TENM2: variants seen among roughly 807,000 people sequenced by gnomAD.
The protein encoded by TENM2 is teneurin transmembrane protein 2, also known as teneurin-2.
Under a neutral mutation model 245.2 loss-of-function variants are expected in TENM2, and 52 were observed. The observed-to-expected ratio is 0.21, with a 90% CI of 0.17 to 0.27. TENM2 has a LOEUF of 0.27. Among genes scored for constraint, TENM2 ranks in the 10% least tolerant of loss-of-function variants. The pLI is 1.00. For synonymous variants in TENM2, 1,363 were observed against 1,438.9 expected, an observed-to-expected ratio of 0.95 and a Z score of 1.19; for missense variants, 3,046 against 3,666.8, an observed-to-expected ratio of 0.83 and a Z score of 4.37.
intron 3 of TENM2, among the ~76,000 whole-genome samples, chr5:167,899,025 A>G (rs1394037441): frequency 2.0e-5 from 3 of 152,150 alleles, no homozygotes; most frequent in Non-Finnish European, 2.9e-5. Flanking sequence ...ATGGAAGGGA[A>G]GAGAAGATAG....
chr5:167,929,131 AAAGAAAGAAGGG>A (rs1778082573), intron 3 of TENM2, among the ~76,000 whole-genome samples: 1 of 136,606 alleles, frequency 7.3e-6, no homozygotes, highest in African/African-American at 2.7e-5. Context: ...GAAAGAAAGA[AAAGAAAGAAGGG>A]AGGGAGGGAG....
the TENM2 span, among the ~76,000 whole-genome samples, chr5:167,081,154 C>T: frequency 6.6e-6 from 1 of 151,510 alleles, no homozygotes; most frequent in East Asian, 2.0e-4. Flanking sequence ...GAAGATGGTG[C>T]TATTTATATC....
At chr5:168,199,520 C>T (rs932381215) in intron 16 of TENM2, among the ~76,000 whole-genome samples, 3 of 152,202 alleles carry the variant, frequency 2.0e-5, no homozygotes, top group East Asian at 1.9e-4. Flanking sequence ...GTTGTAGGTT[C>T]GTATAATTAC....
At chr5:168,103,869 G>A (rs1794022905) in intron 9 of TENM2, among the ~76,000 whole-genome samples, 1 of 152,152 alleles carries the variant, frequency 6.6e-6, no homozygotes, top group South Asian at 2.1e-4. Flanking sequence ...TTGGCAGGGA[G>A]TAACCCTGAG....
At chr5:167,108,193 T>C in the TENM2 span, among the ~76,000 whole-genome samples, 1 of 151,004 alleles carries the variant, frequency 6.6e-6, no homozygotes, top group Non-Finnish European at 1.5e-5. Context: ...TGGTGCAATC[T>C]CGACTCACTG....
At chr5:167,136,987 T>G in the TENM2 span, among the ~76,000 whole-genome samples, 1 of 152,240 alleles carries the variant, frequency 6.6e-6, no homozygotes, top group Non-Finnish European at 1.5e-5. Context: ...AAGAACAAGG[T>G]GCTGGCAGAT....
At position 168,179,635 on chromosome 5, in the gene TENM2, C is replaced by A. The variant is rs115351074; in HGVS notation, c.2570-10702C>A. ...CCTGTGTGTTGGACACTCAGCATAA[C>A]AGTCACACAACCTTACATGGCAGCT... On this transcript the variant is annotated intron_variant, in intron 13 of 28. Transcript: ENST00000518659. Among the ~76,000 whole-genome samples, 1,222 of 152,296 alleles carry A rather than the reference C, an allele frequency of 8.0e-3. 20 individuals are homozygous for A. Among genetic ancestry groups the A allele is most frequent in the African/African-American group, 0.028 (1,167 of 41,556 alleles).
chr5:167,293,075 G>A (rs1484795658), intron 1 of TENM2, among the ~76,000 whole-genome samples: 2 of 152,214 alleles, frequency 1.3e-5, no homozygotes, highest in Non-Finnish European at 2.9e-5. Context: ...TTCAGCTTGT[G>A]GAGAGAGGAA....
chr5:167,229,048 G>A, the TENM2 span, among the ~76,000 whole-genome samples: 3 of 152,264 alleles, frequency 2.0e-5, no homozygotes, highest in African/African-American at 4.8e-5. Context: ...CCCGCCACCC[G>A]AAGATGTATC....
intron 2 of TENM2, among the ~76,000 whole-genome samples, chr5:167,829,342 T>A (rs1426326713): frequency 1.3e-5 from 2 of 152,204 alleles, no homozygotes; most frequent in Non-Finnish European, 2.9e-5. Flanking sequence ...GTCTGGCTAC[T>A]AAAACCCCTA....
the TENM2 span, among the ~76,000 whole-genome samples, chr5:167,039,926 G>A: frequency 1.3e-5 from 2 of 152,090 alleles, no homozygotes; most frequent in African/African-American, 4.8e-5. Flanking sequence ...TTGAAGACAT[G>A]GCTGCATTGT....
At chr5:167,199,018 T>A in the TENM2 span, among the ~76,000 whole-genome samples, 1 of 148,250 alleles carries the variant, frequency 6.7e-6, no homozygotes, top group Non-Finnish European at 1.5e-5. Flanking sequence ...AATAAAAAGA[T>A]GTATGGTAAA....
In TENM2 at chr5:168,244,135, CCAT is replaced by C; in HGVS notation, c.5521-284_5521-282del. Among the ~76,000 whole-genome samples the C allele has an allele frequency of 6.6e-6, 1 of 152,026 alleles. No homozygotes were observed. The highest frequency in any genetic ancestry group is 1.9e-4 in the East Asian group (1 of 5,178). ...TATTTTTAGTACAGACGGGGTTTCACCATGTTGGCCAGGCTGGTCTTGAACTCC... is the reference window on the plus strand; with the variant it reads ...TATTTTTAGTACAGACGGGGTTTCACGTTGGCCAGGCTGGTCTTGAACTCC... On this transcript the variant is annotated intron_variant, in intron 25 of 28. Transcript: ENST00000518659. This position sits in a 1 kb window ranked among gnomAD's most constrained non-coding sequence, Gnocchi z 4.9.
intron 2 of TENM2, chr5:167,754,948 C>T: frequency 1.4e-6 from 2 of 1,453,868 alleles, no homozygotes; most frequent in Non-Finnish European, 1.8e-6. Context: ...GCTTTTCCTT[C>T]CCAGCTGGAG....
At chr5:167,675,308 C>A (rs1014865521) in intron 2 of TENM2, among the ~76,000 whole-genome samples, 1 of 152,016 alleles carries the variant, frequency 6.6e-6, no homozygotes, top group Non-Finnish European at 1.5e-5. Flanking sequence ...ATGTAGAATT[C>A]GATAGTAAAT....
intron 2 of TENM2, among the ~76,000 whole-genome samples, chr5:167,677,447 G>C (rs1756408176): frequency 6.7e-6 from 1 of 150,020 alleles, no homozygotes; most frequent in African/African-American, 2.4e-5. Flanking sequence ...AGAACTTTTT[G>C]GTTTCTCTTG....
intron 3 of TENM2, among the ~76,000 whole-genome samples, chr5:167,935,491 G>C (rs1192158048): frequency 6.6e-6 from 1 of 152,182 alleles, no homozygotes. Context: ...CTAATGAACC[G>C]TTATTGCAAC....
chr5:167,709,078 T>A (rs879467202), intron 2 of TENM2, among the ~76,000 whole-genome samples: 1 of 152,006 alleles, frequency 6.6e-6, no homozygotes, highest in Admixed American at 6.6e-5. Flanking sequence ...AATCCAAGTA[T>A]AGTCACAGAA....
the TENM2 span, among the ~76,000 whole-genome samples, chr5:167,023,782 T>G: frequency 6.6e-6 from 1 of 152,176 alleles, no homozygotes; most frequent in Non-Finnish European, 1.5e-5. Flanking sequence ...AAGTTATTAT[T>G]AGGGAGTAAA....
Sources: allele counts gnomAD v4.1 joint callset (sites outside exome capture counted in the v4.1 genomes callset), GRCh38; gene constraint gnomAD v4.1.1; non-coding constraint Gnocchi (gnomAD v3.1); transcripts MANE v1.5; gene names NCBI Gene and HGNC (gene_info 2026-07-23, HGNC 2026-07-21).